The following CLHC1 variants were observed in gnomAD, a reference collection of about 807,000 sequenced individuals.
The protein encoded by CLHC1 is clathrin heavy chain linker domain containing 1, also known as clathrin heavy chain linker domain-containing protein 1.
Under a neutral mutation model 69.5 loss-of-function variants are expected in CLHC1, and 72 were observed. That is an observed-to-expected ratio of 1.04 (90% confidence interval 0.86 to 1.26). CLHC1 has a LOEUF of 1.26. Among genes scored for constraint, CLHC1 ranks in the 50% most tolerant of loss-of-function variants. The pLI, the probability that CLHC1 is intolerant of heterozygous loss-of-function variation, is 0.00. For synonymous variants in CLHC1, 223 were observed against 224.3 expected (o/e 0.99, Z 0.05); for missense variants, 790 against 679.3 (o/e 1.16, Z -1.81).
intron 3 of CLHC1, 80 bp downstream of exon 3, chr2:55,222,155 C>G: frequency 1.0e-6 from 1 of 960,474 alleles, no homozygotes; most frequent in South Asian, 1.5e-5. Context: ...AGTGGTGTTA[C>G]TAAGGCAGGA....
intron 4 of CLHC1, among the ~76,000 whole-genome samples, chr2:55,216,330 T>G (rs1040275779): frequency 1.3e-4 from 20 of 151,710 alleles, no homozygotes; most frequent in Non-Finnish European, 1.5e-5. Flanking sequence ...AAATAATTTA[T>G]CCATCAGTGA....
chr2:55,183,001 G>A (rs1279738529), intron 9 of CLHC1, among the ~76,000 whole-genome samples: 1 of 152,148 alleles, frequency 6.6e-6, no homozygotes, highest in Non-Finnish European at 1.5e-5. Context: ...GCAACATTGG[G>A]CATCTACCAC....
chr2:55,231,098 A>C (rs554330447), intron 1 of CLHC1, among the ~76,000 whole-genome samples: 5 of 152,164 alleles, frequency 3.3e-5, no homozygotes, highest in Non-Finnish European at 5.9e-5. Flanking sequence ...AAAAATACAA[A>C]AATTAGCCGG....
At chr2:55,183,991 G>C (rs138994967) in intron 9 of CLHC1, among the ~76,000 whole-genome samples, 2,036 of 152,290 alleles carry the variant, frequency 0.013, 28 homozygotes, top group Middle Eastern at 0.051. Flanking sequence ...ATGTTGGCCA[G>C]GATGGTCTCG....
chr2:55,226,691 G>C (rs1674740337), intron 2 of CLHC1, among the ~76,000 whole-genome samples: 1 of 152,214 alleles, frequency 6.6e-6, no homozygotes, highest in African/African-American at 2.4e-5. Flanking sequence ...GAGTGCAGTG[G>C]CACGATCTCA....
intron 5 of CLHC1, among the ~76,000 whole-genome samples, chr2:55,212,084 G>A (rs1000479019): frequency 6.6e-6 from 1 of 152,086 alleles, no homozygotes; most frequent in Non-Finnish European, 1.5e-5. Context: ...TGAGACCAGC[G>A]TGGACAACAT....
At chr2:55,211,915 C>G (rs77518853) in intron 5 of CLHC1, among the ~76,000 whole-genome samples, 3,498 of 152,260 alleles carry the variant, frequency 0.023, 66 homozygotes, top group Middle Eastern at 0.12. Context: ...CAATATCCAC[C>G]AAAACTTAAT....
chr2:55,222,134 ATCAT>A (rs1674185318), intron 3 of CLHC1, 97 bp downstream of exon 3: 2 of 784,164 alleles, frequency 2.6e-6, no homozygotes, highest in Admixed American at 2.9e-5. Flanking sequence ...ATGGAATGTT[ATCAT>A]TCAAACAGTG....
intron 9 of CLHC1, among the ~76,000 whole-genome samples, chr2:55,195,787 A>G (rs1671356500): frequency 6.6e-6 from 1 of 152,202 alleles, no homozygotes; most frequent in Admixed American, 6.5e-5. Context: ...TGACAGAGTG[A>G]GACTCTTGTC....
intron 3 of CLHC1, among the ~76,000 whole-genome samples, chr2:55,219,617 C>T (rs532739792): frequency 1.3e-5 from 2 of 151,790 alleles, no homozygotes; most frequent in Non-Finnish European, 2.9e-5. Flanking sequence ...TACCACAATC[C>T]CCACCATTCC....
intron 9 of CLHC1, among the ~76,000 whole-genome samples, chr2:55,196,872 G>C (rs1227504283): frequency 1.3e-5 from 2 of 152,220 alleles, no homozygotes; most frequent in Non-Finnish European, 2.9e-5. Context: ...GCCATAGTGA[G>C]GAAGAGCACC....
chr2:55,202,578 G>GA (rs1672061361), intron 9 of CLHC1, among the ~76,000 whole-genome samples: 1 of 146,658 alleles, frequency 6.8e-6, no homozygotes, highest in Non-Finnish European at 1.5e-5. Flanking sequence ...AAAAGTAAAA[G>GA]AAAAAAATCT....
At chr2:55,177,885 A>G (rs1174653891) in intron 11 of CLHC1, 104 bp from the exon 12 acceptor site, 17 of 791,948 alleles carry the variant, frequency 2.1e-5, no homozygotes, top group Non-Finnish European at 3.3e-5. Context: ...CAGTTTTTCT[A>G]ATCCTTTCAA....
At chr2:55,224,192 C>T (rs1674465446) in intron 2 of CLHC1, 1 of 275,832 alleles carries the variant, frequency 3.6e-6, no homozygotes, top group Admixed American at 4.3e-5. Context: ...CGCCCTTACA[C>T]ACAAGGCTCA....
In CLHC1 at chr2:55,172,832, G is replaced by A. The variant is rs1378210875; in HGVS notation, c.*2958C>T. On this transcript the variant is annotated 3_prime_UTR_variant, in exon 13 of 13. Transcript: ENST00000401408. ...AGTTAAAAAAGTGATTAATTTAATG[G>A]TCATTTCTTAGTTAATTCAGGATTT... Among the ~76,000 whole-genome samples the A allele has an allele frequency of 2.6e-5, 4 of 151,998 alleles. No individual in the cohort carries two copies. Among genetic ancestry groups the A allele is most frequent in the Non-Finnish European group, 5.9e-5 (4 of 68,002 alleles).
chr2:55,199,700 G>C (rs1671758183), intron 9 of CLHC1, among the ~76,000 whole-genome samples: 1 of 152,000 alleles, frequency 6.6e-6, no homozygotes, highest in Non-Finnish European at 1.5e-5. Flanking sequence ...GATATTATTT[G>C]CAAGTCTCAT....
Position 55,185,756 on chromosome 2 carries a change from A to G in CLHC1, c.1007-4012T>C, listed in dbSNP as rs542976512. On this transcript the variant is annotated intron_variant, in intron 9 of 12. Transcript: ENST00000401408. ...AGGATTGGGTCTTACTAATCTTTGT[A>G]TCTTAGTACCTAGGTCATAACAGTT... 3.3e-4 allele frequency among the ~76,000 whole-genome samples: 50 copies of G among 152,272 alleles called. No individual in the cohort carries two copies. In the Middle Eastern group the frequency reaches 0.017, roughly 52 times the overall value.
chr2:55,177,558 G>T, intron 12 of CLHC1, 44 bp downstream of exon 12: 1 of 1,417,462 alleles, frequency 7.1e-7, no homozygotes, highest in South Asian at 1.4e-5. Context: ...CCTCTCCCTA[G>T]ATAACCCACT....
chr2:55,190,515 G>A (rs973357203), intron 9 of CLHC1, among the ~76,000 whole-genome samples: 1 of 152,168 alleles, frequency 6.6e-6, no homozygotes, highest in African/African-American at 2.4e-5. Context: ...TTACGAGGGA[G>A]AGGAAAGATG....
Sources: allele counts gnomAD v4.1 joint callset (sites outside exome capture counted in the v4.1 genomes callset), GRCh38; gene constraint gnomAD v4.1.1; transcripts MANE v1.5; gene names NCBI Gene and HGNC (gene_info 2026-07-23, HGNC 2026-07-21).